Variants in HMCN1 observed in about 807,000 individuals in gnomAD.
The protein encoded by HMCN1 is hemicentin-1.
A neutral mutation model predicts 625.9 loss-of-function variants in HMCN1; 321 were observed. The ratio of observed to expected loss-of-function variants is 0.51; its 90% CI spans 0.47 to 0.56. The LOEUF (loss-of-function observed/expected upper bound fraction) is 0.56, where lower values mean the gene tolerates loss of function less well. Ranked by LOEUF, HMCN1 falls within the 20% of genes least tolerant of loss-of-function variation. The pLI, the probability that HMCN1 is intolerant of heterozygous loss-of-function variation, is 0.00. For missense variants in HMCN1, 6,588 were observed against 6,887.3 expected (o/e 0.96, Z 1.54); for synonymous variants, 2,425 against 2,417.6 (o/e 1.00, Z -0.09).
intron 10 of HMCN1, among the ~76,000 whole-genome samples, chr1:185,929,445 C>A (rs1214981557): frequency 6.6e-6 from 1 of 152,044 alleles, no homozygotes; most frequent in Non-Finnish European, 1.5e-5. Context: ...AATCAATGAT[C>A]AGGATTAAGC....
intron 1 of HMCN1, among the ~76,000 whole-genome samples, chr1:185,821,837 G>A (rs761214414): frequency 6.7e-6 from 1 of 149,424 alleles, no homozygotes; most frequent in African/African-American, 2.5e-5. Context: ...ATGAGAGATA[G>A]TGTGCTTTGC....
intron 1 of HMCN1, among the ~76,000 whole-genome samples, chr1:185,829,684 GTATTTGT>G (rs1390495424): frequency 2.0e-5 from 3 of 152,120 alleles, no homozygotes; most frequent in Non-Finnish European, 2.9e-5. Flanking sequence ...TTGATTCCAT[GTATTTGT>G]TATTGTAAAT....
chr1:186,142,061 A>C (rs918629886), intron 89 of HMCN1, among the ~76,000 whole-genome samples: 2 of 152,122 alleles, frequency 1.3e-5, no homozygotes, highest in African/African-American at 4.8e-5. Context: ...ATATAGGTAA[A>C]CTTATGACTC....
chr1:185,852,416 G>T (rs1662218099), intron 2 of HMCN1, among the ~76,000 whole-genome samples: 1 of 151,570 alleles, frequency 6.6e-6, no homozygotes, highest in Non-Finnish European at 1.5e-5. Flanking sequence ...AACCAAAAAA[G>T]GAAAGAAAAG....
At chr1:186,030,075 C>T (rs1655323086) in intron 36 of HMCN1, among the ~76,000 whole-genome samples, 1 of 152,052 alleles carries the variant, frequency 6.6e-6, no homozygotes, top group Admixed American at 6.6e-5. Context: ...GGAGAACATA[C>T]ACTGTAAGAT....
chr1:186,037,900 A>G (rs1327564856), intron 36 of HMCN1, 34 bp from the exon 37 acceptor site: 2 of 1,196,570 alleles, frequency 1.7e-6, no homozygotes, highest in East Asian at 2.3e-5. Context: ...TATTCTACTT[A>G]TAAGAAATAA....
At chr1:186,013,476 A>C (rs1221525894) in intron 30 of HMCN1, among the ~76,000 whole-genome samples, 2 of 152,166 alleles carry the variant, frequency 1.3e-5, no homozygotes, top group Non-Finnish European at 2.9e-5. Flanking sequence ...TGTGTACATA[A>C]ATGTTTGTCA....
chr1:185,911,815 A>G, intron 6 of HMCN1, 35 bp downstream of exon 6: 1 of 1,486,034 alleles, frequency 6.7e-7, no homozygotes, highest in Non-Finnish European at 9.4e-7. Flanking sequence ...TTATTGTTTT[A>G]TTTTGAAGTT....
chr1:185,740,693 G>A (rs112679256), intron 1 of HMCN1, among the ~76,000 whole-genome samples: 4,119 of 148,958 alleles, frequency 0.028, 218 homozygotes, highest in African/African-American at 0.098. Context: ...AGGGGGTGGG[G>A]GGTAGGGGGA....
chr1:186,166,269 C>T lies in HMCN1; in HGVS notation c.15405C>T (p.Gly5135=), dbSNP rs1651873135. The change falls in exon 99 of 107, where the codon GGC becomes GGT. Residue 5135 remains glycine (G), a synonymous_variant. Transcript: ENST00000271588. Reference sequence around the variant, plus strand: ...CTTACTACTGCTCCTGCCCTAAAGGCCTCACCATAGCTGCAGATGGAAGAA... The same window carrying T: ...CTTACTACTGCTCCTGCCCTAAAGGTCTCACCATAGCTGCAGATGGAAGAA... ...MGTYYCSCPK[G]LTIAADGRTC... 3.1e-6 allele frequency: 5 copies of T among 1,614,130 alleles called. No individual in the cohort carries two copies. Among genetic ancestry groups the T allele is most frequent in the Non-Finnish European group, 4.2e-6 (5 of 1,179,990 alleles).
rs1324018150 is a variant in HMCN1 at position 186,001,438 on chromosome 1, G to A, written c.4200+10G>A. 1.2e-6 allele frequency: 2 copies of A among 1,612,302 alleles called. No individual in the cohort carries two copies. Among genetic ancestry groups the A allele is most frequent in the African/African-American group, 1.3e-5 (1 of 74,840 alleles). The stretch of plus-strand genomic sequence containing the variant: ...TAAAGATAATGTCCAGGTAAATAGA[G>A]TCATCCAAATACGTGTAATTCCTTG... On this transcript the variant is annotated intron_variant, in intron 27 of 106. Transcript: ENST00000271588.
chr1:185,747,113 C>T (rs1339357138), intron 1 of HMCN1, among the ~76,000 whole-genome samples: 1 of 152,036 alleles, frequency 6.6e-6, no homozygotes, highest in African/African-American at 2.4e-5. Context: ...CATTAAAAAA[C>T]CAAAACTCTA....
chr1:185,967,877 A>G (rs1034334966), intron 14 of HMCN1, among the ~76,000 whole-genome samples: 1 of 152,192 alleles, frequency 6.6e-6, no homozygotes, highest in African/African-American at 2.4e-5. Flanking sequence ...TTTGAAAGAA[A>G]AAAATGAACA....
At position 185,864,945 on chromosome 1, in the gene HMCN1, T is replaced by C. The variant is rs1469700275; in HGVS notation, c.498+317T>C. On this transcript the variant is annotated intron_variant, in intron 3 of 106. Coordinates refer to ENST00000271588, the MANE Select transcript of HMCN1 (RefSeq NM_031935.3). The stretch of plus-strand genomic sequence containing the variant: ...AAAAAAGGCTTATATTCCAATGTTA[T>C]CTCCGATGTGGAATCACGCCTGAGT... 2.0e-5 allele frequency among the ~76,000 whole-genome samples: 3 copies of C among 152,268 alleles called. No individual in the cohort carries two copies. The East Asian group carries it at 5.8e-4, about 29-fold the overall frequency.
chr1:186,088,127 T>C lies in HMCN1; in HGVS notation c.9446-18T>C. 7.5e-6 allele frequency: 12 copies of C among 1,602,952 alleles called. No individual in the cohort carries two copies. Among genetic ancestry groups the C allele is most frequent in the Non-Finnish European group, 1.0e-5 (12 of 1,173,490 alleles). ...TTTCTTCTGTTTTTTTGTTTGTTTG[T>C]TTGTTTGTTTTTTACAGTGCCACCC... On this transcript the variant is annotated intron_variant, in intron 61 of 106. Transcript: ENST00000271588.
chr1:185,750,810 TGTTGA>T (rs1190625155), intron 1 of HMCN1, among the ~76,000 whole-genome samples: 6 of 147,254 alleles, frequency 4.1e-5, no homozygotes, highest in Non-Finnish European at 5.9e-5. Flanking sequence ...CTTTTCCTAC[TGTTGA>T]GTTTTTTTAA....
At chr1:185,748,556 C>T (rs1380118102) in intron 1 of HMCN1, among the ~76,000 whole-genome samples, 1 of 152,108 alleles carries the variant, frequency 6.6e-6, no homozygotes, top group African/African-American at 2.4e-5. Flanking sequence ...TTTCTTAATC[C>T]TTCTACATAA....
intron 19 of HMCN1, among the ~76,000 whole-genome samples, chr1:185,986,841 AAAAT>A (rs1422858586): frequency 6.7e-6 from 1 of 149,898 alleles, no homozygotes; most frequent in Non-Finnish European, 1.5e-5. Context: ...AAAAAAAAAA[AAAAT>A]TAATTAATTA....
chr1:185,996,189 A>G (rs1023197423), intron 24 of HMCN1, among the ~76,000 whole-genome samples: 3 of 152,194 alleles, frequency 2.0e-5, no homozygotes, highest in Non-Finnish European at 4.4e-5. Context: ...AGCTTTTAAC[A>G]GAAAGACAAA....
Sources: allele counts gnomAD v4.1 joint callset (sites outside exome capture counted in the v4.1 genomes callset), GRCh38; gene constraint gnomAD v4.1.1; transcripts MANE v1.5; gene names NCBI Gene and HGNC (gene_info 2026-07-23, HGNC 2026-07-21).